Variants in NBPF8 observed in about 807,000 individuals in gnomAD.
NBPF8 encodes NBPF family member NBPF8.
chr1:120,426,921 A>T (rs1313709636), intron 2 of NBPF8, among the ~76,000 whole-genome samples: 1 of 143,920 alleles, frequency 6.9e-6, no homozygotes, highest in African/African-American at 2.6e-5. Flanking sequence ...AAAATCCAGC[A>T]GGAGTTTCTT....
At chr1:120,420,214 A>T (rs1660535772) in intron 1 of NBPF8, among the ~76,000 whole-genome samples, 96 bp downstream of exon 2, 2 of 151,890 alleles carry the variant, frequency 1.3e-5, no homozygotes, top group East Asian at 3.9e-4. Context: ...GGCCCTAAAC[A>T]TCGCAGGGCC....
At chr1:120,451,961 A>G (rs1277432078) in intron 12 of NBPF8, among the ~76,000 whole-genome samples, 156 bp from the exon 11 acceptor site, 38 of 151,942 alleles carry the variant, frequency 2.5e-4, no homozygotes, top group African/African-American at 8.9e-4. Context: ...ACCATTTTCT[A>G]TTCTTTCTCT....
At chr1:120,418,472 G>A (rs1438716758), upstream of NBPF8, among the ~76,000 whole-genome samples, 23 of 144,762 alleles carry the variant, frequency 1.6e-4, no homozygotes, top group African/African-American at 6.0e-4. Context: ...ACCTAAATAA[G>A]CGTTAAGCCA....
chr1:120,416,800 G>C (rs1236041071), upstream of NBPF8, among the ~76,000 whole-genome samples: 1 of 151,694 alleles, frequency 6.6e-6, no homozygotes, highest in Non-Finnish European at 1.5e-5. Flanking sequence ...GTACCATTTA[G>C]CAGGGATATT....
At chr1:120,421,839 C>G (rs1201128843) in intron 1 of NBPF8, among the ~76,000 whole-genome samples, 1 of 151,340 alleles carries the variant, frequency 6.6e-6, no homozygotes, top group Non-Finnish European at 1.5e-5. Flanking sequence ...TGGTTTGCAC[C>G]TGTCCTTACC....
chr1:120,417,040 G>A (rs1553245314), upstream of NBPF8, among the ~76,000 whole-genome samples: 1 of 124,842 alleles, frequency 8.0e-6, no homozygotes, highest in Non-Finnish European at 1.7e-5. Context: ...ACTTTTTTCC[G>A]GATATGTGTC....
intron 1 of NBPF8, among the ~76,000 whole-genome samples, chr1:120,423,373 G>A (rs1482414089): frequency 9.3e-6 from 1 of 107,614 alleles, no homozygotes; most frequent in East Asian, 2.0e-4. Flanking sequence ...AGTTGGAAAG[G>A]CTATCTTTGC....
chr1:120,469,004 A>C (rs1287958374), downstream of NBPF8, among the ~76,000 whole-genome samples: 5 of 151,938 alleles, frequency 3.3e-5, no homozygotes, highest in African/African-American at 1.2e-4. Context: ...TCTGAAGTGT[A>C]TGTTGAGAAA....
chr1:120,466,023 G>A lies in NBPF8; in HGVS notation n.3614G>A, dbSNP rs1661737564. On this transcript the variant is annotated non_coding_transcript_exon_variant, in exon 25 of 25. Coordinates refer to ENST00000583271, the Ensembl canonical transcript of NBPF8. ...AAGTGGAAGAGCCTGAAGTCTTACA[G>A]GACTCACTGGATAGATGTTATTCGA... is the stretch of plus-strand genomic sequence containing the variant. 3 of 1,611,932 alleles carry A rather than the reference G, an allele frequency of 1.9e-6. No individual in the cohort carries two copies. The Admixed American group carries it at 5.0e-5, about 27-fold the overall frequency.
At chr1:120,428,775 G>A (rs1570929325) in intron 3 of NBPF8, among the ~76,000 whole-genome samples, 1 of 147,700 alleles carries the variant, frequency 6.8e-6, no homozygotes, top group African/African-American at 2.6e-5. Flanking sequence ...AACTGAGCGA[G>A]GCTGTACCAG....
chr1:120,427,889 A>G (rs1165013342), intron 3 of NBPF8, among the ~76,000 whole-genome samples, 42 bp downstream of exon 3: 1 of 150,940 alleles, frequency 6.6e-6, no homozygotes, highest in East Asian at 1.9e-4. Context: ...AGATGCTACC[A>G]GTAGTTTTTC....
Position 120,465,958 on chromosome 1 carries a change from A to G in NBPF8, n.3569-20A>G. On this transcript the variant is annotated intron_variant and non_coding_transcript_variant, in intron 24 of 24. Transcript: ENST00000583271. ...TCTGATTTTCCCTGGCTGCTTCTTT[A>G]GTTTTGTCTCCTTTTCCAGGCTCAA... The G allele has an allele frequency of 1.2e-6, 2 of 1,611,622 alleles. No individual in the cohort carries two copies. Among genetic ancestry groups the G allele is most frequent in the Non-Finnish European group, 1.7e-6 (2 of 1,179,688 alleles).
intron 18 of NBPF8, 110 bp downstream of exon 16, chr1:120,460,734 C>T: frequency 2.0e-6 from 2 of 984,548 alleles, no homozygotes; most frequent in Non-Finnish European, 3.2e-6. Flanking sequence ...TCAGACAAGT[C>T]TGAATTACGC....
At chr1:120,434,769 G>A (rs1661026940), upstream of NBPF8, among the ~76,000 whole-genome samples, 1 of 127,208 alleles carries the variant, frequency 7.9e-6, no homozygotes, top group Non-Finnish European at 1.6e-5. Context: ...AGATGTGAAA[G>A]TTAAAATTAG....
intron 18 of NBPF8, among the ~76,000 whole-genome samples, chr1:120,460,895 C>T (rs1661565894): frequency 6.6e-6 from 1 of 151,820 alleles, no homozygotes; most frequent in Admixed American, 6.6e-5. Flanking sequence ...ACATTTTATG[C>T]AAAATTATTG....
Position 120,457,694 on chromosome 1 carries a change from C to T in NBPF8, n.2621-1673C>T, listed in dbSNP as rs1169986677. Among the ~76,000 whole-genome samples, 244 of 64,112 alleles carry T rather than the reference C, an allele frequency of 3.8e-3. 1 individual carries two copies. Among genetic ancestry groups the T allele is most frequent in the African/African-American group, 0.031 (223 of 7,212 alleles). 42.1% of individuals were successfully genotyped at this position (64,112 alleles called of 152,430 possible). A position where few individuals can be genotyped will look rare whatever the true frequency, so the allele number is the denominator to read the frequency against. ...TGTATACATATGTAACTAACCTGCA[C>T]GTTGTGCACATGTACCCTAAGACTT... On this transcript the variant is annotated intron_variant and non_coding_transcript_variant, in intron 16 of 24. Coordinates refer to ENST00000583271, the Ensembl canonical transcript of NBPF8.
chr1:120,430,409 T>C (rs1660843467), intron 3 of NBPF8, among the ~76,000 whole-genome samples: 1 of 122,414 alleles, frequency 8.2e-6, no homozygotes, highest in Admixed American at 7.7e-5. Flanking sequence ...GAAAATGAAA[T>C]AAGAATACAA....
chr1:120,449,805 C>T (rs1325959015), intron 11 of NBPF8, among the ~76,000 whole-genome samples: 1 of 152,132 alleles, frequency 6.6e-6, no homozygotes, highest in Non-Finnish European at 1.5e-5. Context: ...TGTTGAGGCC[C>T]AACAGACAAA....
chr1:120,419,080 T>C (rs1660501898), upstream of NBPF8, among the ~76,000 whole-genome samples: 1 of 152,072 alleles, frequency 6.6e-6, no homozygotes, highest in African/African-American at 2.4e-5. Context: ...TAAATATTTG[T>C]TAAATGAATG....
Sources: allele counts gnomAD v4.1 joint callset (sites outside exome capture counted in the v4.1 genomes callset), GRCh38; gene constraint gnomAD v4.1.1; transcripts MANE v1.5; gene names NCBI Gene and HGNC (gene_info 2026-07-23, HGNC 2026-07-21).